Variants in SCARA5 observed in about 807,000 individuals in gnomAD.
The protein encoded by SCARA5 is scavenger receptor class A member 5, also known as scavenger receptor class A, member 5 (putative).
Under a neutral mutation model 46.3 loss-of-function variants are expected in SCARA5, and 45 were observed. That is an observed-to-expected ratio of 0.97 (90% CI 0.76 to 1.24). SCARA5 has a LOEUF of 1.24. SCARA5 is among the 50% of genes most tolerant of loss of function. The pLI is 0.00. For synonymous variants in SCARA5, 333 were observed against 306.5 expected, an observed-to-expected ratio of 1.09 and a Z score of -0.90; for missense variants, 680 against 689.0, an observed-to-expected ratio of 0.99 and a Z score of 0.15.
intron 3 of SCARA5, among the ~76,000 whole-genome samples, chr8:27,941,977 C>A (rs1017510087): frequency 6.6e-6 from 1 of 151,810 alleles, no homozygotes; most frequent in African/African-American, 2.4e-5. Flanking sequence ...CAGGCGTGCA[C>A]CTTCACACTC....
In SCARA5 at chr8:27,949,378, G is replaced by A. The variant is rs148708435; in HGVS notation, c.241+17036C>T. 3.2e-4 allele frequency among the ~76,000 whole-genome samples: 48 copies of A among 152,306 alleles called. 1 individual carries two copies. In the East Asian group the frequency reaches 8.7e-3, roughly 28 times the overall value. ...TTCTCCTATGAGAACTATCAACCTC[G>A]TTGGACCTCAGTCTTCTCATCTGTG... On this transcript the variant is annotated intron_variant, in intron 3 of 8. Transcript: ENST00000354914.
chr8:27,964,749 C>A (rs1013057920), intron 3 of SCARA5, among the ~76,000 whole-genome samples: 1 of 152,068 alleles, frequency 6.6e-6, no homozygotes, highest in African/African-American at 2.4e-5. Flanking sequence ...CCCCAAGAGA[C>A]GATGCCCTTC....
At chr8:27,875,203 C>T (rs919476203) in intron 8 of SCARA5, among the ~76,000 whole-genome samples, 2 of 93,214 alleles carry the variant, frequency 2.1e-5, no homozygotes, top group Non-Finnish European at 5.6e-5. Flanking sequence ...CCCTTCACTC[C>T]TCCCTCCCTC....
At chr8:27,936,803 G>A (rs1807864967) in intron 3 of SCARA5, among the ~76,000 whole-genome samples, 1 of 152,030 alleles carries the variant, frequency 6.6e-6, no homozygotes, top group Non-Finnish European at 1.5e-5. Context: ...AACTTAAAAG[G>A]AAGAAAAAAC....
intron 2 of SCARA5, among the ~76,000 whole-genome samples, chr8:27,976,035 T>G (rs927950504): frequency 6.6e-6 from 1 of 152,196 alleles, no homozygotes; most frequent in Non-Finnish European, 1.5e-5. Context: ...CAAGTTACTC[T>G]GCATAAAAAT....
chr8:27,972,095 T>C lies in SCARA5; in HGVS notation c.113-5553A>G, dbSNP rs532514945. 9.2e-5 allele frequency among the ~76,000 whole-genome samples: 14 copies of C among 152,254 alleles called. 1 individual carries two copies. The South Asian group carries it at 2.9e-3, about 32-fold the overall frequency. On this transcript the variant is annotated intron_variant, in intron 2 of 8. Coordinates refer to ENST00000354914, the MANE Select transcript of SCARA5 (RefSeq NM_173833.6). ...ACTTTGGGAGGCCGAGGCAGATGGA[T>C]GACCTGAGGTCAGGAGTTCAAGACC... is the stretch of plus-strand genomic sequence containing the variant.
At chr8:27,958,386 G>A (rs528425846) in intron 3 of SCARA5, among the ~76,000 whole-genome samples, 1 of 152,334 alleles carries the variant, frequency 6.6e-6, no homozygotes, top group African/African-American at 2.4e-5. Flanking sequence ...GAGCTGAGGT[G>A]GGGGCAGGGG....
intron 3 of SCARA5, among the ~76,000 whole-genome samples, chr8:27,952,897 C>A (rs967500628): frequency 6.6e-6 from 1 of 152,138 alleles, no homozygotes; most frequent in Non-Finnish European, 1.5e-5. Context: ...CAGAAGGGAG[C>A]CTTTTGTCAA....
At chr8:27,970,526 C>T (rs1451285296) in intron 2 of SCARA5, among the ~76,000 whole-genome samples, 2 of 152,192 alleles carry the variant, frequency 1.3e-5, no homozygotes, top group African/African-American at 4.8e-5. Context: ...GCATAAACTG[C>T]CCAAAATTTG....
rs182528230 is a variant in SCARA5 at position 27,942,320 on chromosome 8, G to A, written c.242-20075C>T. On this transcript the variant is annotated intron_variant, in intron 3 of 8. Coordinates refer to ENST00000354914, the MANE Select transcript of SCARA5 (RefSeq NM_173833.6). ...ACGCACAGCTTTTCACCCTCTTCAC[G>A]ATGGTGGCCCCCACTACTGCTCTCC... Among the ~76,000 whole-genome samples the A allele has an allele frequency of 1.2e-3, 180 of 152,228 alleles. 1 individual carries two copies. Among genetic ancestry groups the A allele is most frequent in the East Asian group, 3.9e-4 (2 of 5,186 alleles).
chr8:27,915,129 C>G (rs539235646), intron 4 of SCARA5, among the ~76,000 whole-genome samples: 14 of 152,306 alleles, frequency 9.2e-5, no homozygotes, highest in South Asian at 2.1e-4. Context: ...CTTCCAGTAC[C>G]CTCAAGTCAC....
intron 8 of SCARA5, among the ~76,000 whole-genome samples, chr8:27,875,597 C>T (rs1806711578): frequency 6.6e-6 from 1 of 152,084 alleles, no homozygotes; most frequent in Admixed American, 6.6e-5. Context: ...ACATGAAACA[C>T]ACCATCTGTG....
chr8:27,935,041 G>A (rs1020423910), intron 3 of SCARA5, among the ~76,000 whole-genome samples: 1 of 152,254 alleles, frequency 6.6e-6, no homozygotes, highest in Non-Finnish European at 1.5e-5. Flanking sequence ...GACAACTGGA[G>A]TCTGTACTGA....
chr8:27,877,694 C>T (rs1193555962), intron 8 of SCARA5, among the ~76,000 whole-genome samples: 1 of 152,202 alleles, frequency 6.6e-6, no homozygotes, highest in African/African-American at 2.4e-5. Context: ...CAGCTGGAAT[C>T]CAGCCCCAAG....
At chr8:27,895,199 T>C (rs549962161) in intron 7 of SCARA5, among the ~76,000 whole-genome samples, 9 of 152,184 alleles carry the variant, frequency 5.9e-5, no homozygotes, top group South Asian at 2.1e-4. Flanking sequence ...TTTCTGCAGC[T>C]GCAGAGTAGA....
intron 2 of SCARA5, among the ~76,000 whole-genome samples, chr8:27,974,672 G>GTTC (rs1407806616): frequency 6.7e-6 from 1 of 148,306 alleles, no homozygotes; most frequent in African/African-American, 2.5e-5. Context: ...CACTCACATT[G>GTTC]TTCACTGTAA....
rs1270637523 is a variant in SCARA5, at chr8:27,926,330, AG to A, written c.242-4086del. 6.6e-5 allele frequency among the ~76,000 whole-genome samples: 10 copies of A among 152,302 alleles called. No homozygotes were observed. The East Asian group carries it at 1.9e-3, about 29-fold the overall frequency. On this transcript the variant is annotated intron_variant, in intron 3 of 8. Coordinates refer to ENST00000354914, the MANE Select transcript of SCARA5 (RefSeq NM_173833.6). ...GATAAAGCTGGAAACCATCATTCTC[AG>A]CAAACTATCACAAGGACAGAAAACC...
chr8:27,911,720 A>G (rs1807380854), intron 4 of SCARA5, among the ~76,000 whole-genome samples: 1 of 152,162 alleles, frequency 6.6e-6, no homozygotes, highest in Non-Finnish European at 1.5e-5. Context: ...AAAGAAAAGA[A>G]AAGGAGGACC....
At position 27,939,019 on chromosome 8, in the gene SCARA5, T is replaced by TCC. The variant is rs879796993; in HGVS notation, c.242-16775_242-16774insGG. Among the ~76,000 whole-genome samples, 528 of 152,278 alleles carry TCC rather than the reference T, an allele frequency of 3.5e-3. 4 individuals carry two copies. Among genetic ancestry groups the TCC allele is most frequent in the African/African-American group, 0.011 (447 of 41,564 alleles). On this transcript the variant is annotated intron_variant, in intron 3 of 8. Coordinates refer to ENST00000354914, the MANE Select transcript of SCARA5 (RefSeq NM_173833.6). ...GATTAACGGTGGAGGGGGCTTTCAT[T>TCC]CATTCAGCACCTACTGATTGTCAGG...
Sources: gnomAD v4.1 joint callset for allele counts (sites outside exome capture counted in the v4.1 genomes callset) on GRCh38, gnomAD v4.1.1 for gene constraint, MANE v1.5 for transcripts, NCBI Gene and HGNC (gene_info 2026-07-23, HGNC 2026-07-21) for gene names.